The following ATF7IP variants were observed in gnomAD, a reference collection of about 807,000 sequenced individuals.
The protein encoded by ATF7IP is activating transcription factor 7-interacting protein 1.
In ATF7IP, 23 loss-of-function variants were observed where a neutral mutation model predicts 106.4. The ratio of observed to expected loss-of-function variants is 0.22; its 90% CI spans 0.16 to 0.31. ATF7IP has a LOEUF of 0.31. Ranked by LOEUF, ATF7IP falls within the 10% of genes least tolerant of loss-of-function variation. The pLI, the probability that ATF7IP is intolerant of heterozygous loss-of-function variation, is 1.00. For missense variants in ATF7IP, 1,334 were observed against 1,524.3 expected, an observed-to-expected ratio of 0.88 and a Z score of 2.08; for synonymous variants, 542 against 539.0, an observed-to-expected ratio of 1.01 and a Z score of -0.08.
chr12:14,422,077 A>C (rs1209511686), intron 1 of ATF7IP, among the ~76,000 whole-genome samples: 1 of 152,226 alleles, frequency 6.6e-6, no homozygotes, highest in East Asian at 1.9e-4. Flanking sequence ...ATATGCACAC[A>C]TTACAAAAGA....
chr12:14,481,047 A>G lies in ATF7IP; in HGVS notation c.3142A>G (p.Thr1048Ala). ...NVTHRPVTQV[T>A]TRLPVPRAPA... ...AACACATCGTCCAGTAACTCAGGTG[A>G]CCACAAGACTCCCTGTACCAAGAGC... Residue 1048 changes from threonine to alanine, a missense_variant, in exon 13 of 15, where the codon ACC (threonine) becomes GCC (alanine). Thr to Ala is a moderately conservative substitution (Grantham distance 58). Transcript: ENST00000261168. 1 of 1,613,972 alleles carries G rather than the reference A, an allele frequency of 6.2e-7. No individual in the cohort carries two copies. The highest frequency in any genetic ancestry group is 8.5e-7 in the Non-Finnish European group (1 of 1,179,932).
chr12:14,436,297 C>A, intron 4 of ATF7IP, 46 bp downstream of exon 4: 6 of 1,501,188 alleles, frequency 4.0e-6, no homozygotes, highest in Non-Finnish European at 5.5e-6. Context: ...ATAAATAGCA[C>A]CACTATCTTC....
At chr12:14,457,626 A>G (rs542129950) in intron 8 of ATF7IP, among the ~76,000 whole-genome samples, 5 of 152,264 alleles carry the variant, frequency 3.3e-5, no homozygotes, top group East Asian at 3.9e-4. Flanking sequence ...TCAAATCTCT[A>G]TTGTAGTAGT....
rs1941791055 is a variant in ATF7IP, at chr12:14,425,432, A to G, written c.1517A>G (p.Asp506Gly). Residue 506 changes from aspartate (D) to glycine (G), a missense_variant, in exon 2 of 15, where the codon GAT becomes GGT. This residue lies in a region of ATF7IP where 119 missense variants were observed against 117.8 expected (regional missense o/e 1.01). Transcript: ENST00000261168. ...SDEEDISGEK[D>G]ESEVISQNET... ...GAAGAGGATATTTCGGGTGAAAAAG[A>G]TGAGTCTGAAGTTATATCGCAAAAT... The G allele has an allele frequency of 6.3e-7, 1 of 1,593,344 alleles. No individual in the cohort carries two copies.
chr12:14,469,362 CAAAAAAAAAAAA>C (rs35509274), intron 10 of ATF7IP, among the ~76,000 whole-genome samples: 3 of 88,420 alleles, frequency 3.4e-5, no homozygotes, highest in Admixed American at 2.6e-4. Context: ...GAGACTGTCT[CAAAAAAAAAAAA>C]AAAAAAAAAC....
chr12:14,452,461 T>C (rs779519616), intron 6 of ATF7IP, among the ~76,000 whole-genome samples: 3 of 152,132 alleles, frequency 2.0e-5, no homozygotes, highest in Non-Finnish European at 4.4e-5. Flanking sequence ...TCTTTTGGTA[T>C]AGTAGTGTGC....
intron 1 of ATF7IP, among the ~76,000 whole-genome samples, chr12:14,366,142 T>G (rs1938283064): frequency 6.6e-6 from 1 of 152,252 alleles, no homozygotes; most frequent in Non-Finnish European, 1.5e-5. Flanking sequence ...TAACCTTAAA[T>G]TCTCACAATT....
rs1184794558 is a variant in ATF7IP at position 14,392,910 on chromosome 12, G to A, written c.-8+27083G>A. The stretch of plus-strand genomic sequence containing the variant: ...AATTTCATTTTTCAGGTAATTCATT[G>A]CCACCATATTTTACAATAGCATTGA... On this transcript the variant is annotated intron_variant, in intron 1 of 14. Transcript: ENST00000261168. Among the ~76,000 whole-genome samples, 3 of 152,022 alleles carry A rather than the reference G, an allele frequency of 2.0e-5. No individual in the cohort carries two copies. In the East Asian group the frequency reaches 5.8e-4, roughly 29 times the overall value.
chr12:14,412,360 C>T (rs1257221559), intron 1 of ATF7IP, among the ~76,000 whole-genome samples: 1 of 152,044 alleles, frequency 6.6e-6, no homozygotes, highest in Non-Finnish European at 1.5e-5. Context: ...GAACCTGTAG[C>T]TTAATTTGAA....
chr12:14,455,325 T>C (rs946493102), intron 6 of ATF7IP, among the ~76,000 whole-genome samples: 1 of 152,238 alleles, frequency 6.6e-6, no homozygotes, highest in Non-Finnish European at 1.5e-5. Flanking sequence ...TTGTTTATCT[T>C]GACAGCCAGA....
intron 13 of ATF7IP, among the ~76,000 whole-genome samples, chr12:14,488,803 T>C (rs1248086278): frequency 1.3e-5 from 2 of 152,174 alleles, no homozygotes; most frequent in Non-Finnish European, 2.9e-5. Context: ...CCAAATACTA[T>C]TACATAAAGT....
intron 10 of ATF7IP, among the ~76,000 whole-genome samples, chr12:14,469,525 TTTA>T (rs1356568564): frequency 6.6e-6 from 1 of 151,680 alleles, no homozygotes; most frequent in African/African-American, 2.4e-5. Flanking sequence ...TTGCATATAA[TTTA>T]TTATTGTATA....
rs1398518049 is a variant in ATF7IP at position 14,424,534 on chromosome 12, A to G, written c.619A>G (p.Ser207Gly). Residue 207 changes from serine to glycine, a missense_variant, in exon 2 of 15, where the codon AGT (serine) becomes GGT (glycine). By Grantham distance (56) the Ser-to-Gly change is moderately conservative. Transcript: ENST00000261168. ...TCTCTCCTCTGGTGATCCCACCTCTAGTGATCCCATCCCAGGTGAACCGGT... is the reference window on the plus strand; with the variant it reads ...TCTCTCCTCTGGTGATCCCACCTCTGGTGATCCCATCCCAGGTGAACCGGT... The part of the protein sequence containing the change: ...DDLSSGDPTS[S>G]DPIPGEPVPV... 1 of 1,614,072 alleles carries G rather than the reference A, an allele frequency of 6.2e-7. No individual in the cohort carries two copies. Among genetic ancestry groups the G allele is most frequent in the Non-Finnish European group, 8.5e-7 (1 of 1,179,992 alleles).
At chr12:14,395,437 G>A (rs1939785112) in intron 1 of ATF7IP, among the ~76,000 whole-genome samples, 1 of 152,106 alleles carries the variant, frequency 6.6e-6, no homozygotes, top group South Asian at 2.1e-4. Flanking sequence ...TTTTTAAAAT[G>A]TAATTTTCAT....
chr12:14,388,537 G>A (rs1939372322), intron 1 of ATF7IP, among the ~76,000 whole-genome samples: 1 of 151,436 alleles, frequency 6.6e-6, no homozygotes, highest in Non-Finnish European at 1.5e-5. Context: ...AGTAGAGATG[G>A]GGTTTCATTA....
intron 1 of ATF7IP, among the ~76,000 whole-genome samples, chr12:14,389,142 T>G (rs527606796): frequency 5.3e-5 from 8 of 152,348 alleles, no homozygotes; most frequent in African/African-American, 1.7e-4. Flanking sequence ...GTCATATACC[T>G]TTTCAAGTGT....
intron 2 of ATF7IP, among the ~76,000 whole-genome samples, chr12:14,432,811 CAT>C (rs1471150644): frequency 6.6e-6 from 1 of 152,022 alleles, no homozygotes; most frequent in Non-Finnish European, 1.5e-5. Flanking sequence ...CGTGATGAAA[CAT>C]AGCATGCTTT....
At chr12:14,488,621 A>G (rs1188245181) in intron 13 of ATF7IP, among the ~76,000 whole-genome samples, 1 of 152,184 alleles carries the variant, frequency 6.6e-6, no homozygotes, top group Non-Finnish European at 1.5e-5. Flanking sequence ...CTTCAATCCA[A>G]TCAAGTGACA....
intron 4 of ATF7IP, 92 bp downstream of exon 4, chr12:14,436,343 C>A: frequency 7.8e-7 from 1 of 1,285,644 alleles, no homozygotes; most frequent in Non-Finnish European, 1.1e-6. Flanking sequence ...ATTTTATTGA[C>A]ATAATGTGGT....
Sources: gnomAD v4.1 joint callset for allele counts (sites outside exome capture counted in the v4.1 genomes callset) on GRCh38, gnomAD v4.1.1 for gene constraint, gnomAD v4.1.1 regional missense constraint, MANE v1.5 for transcripts, NCBI Gene and HGNC (gene_info 2026-07-23, HGNC 2026-07-21) for gene names.